Variants in OSGIN1 observed in about 807,000 individuals in gnomAD.
OSGIN1 encodes the protein oxidative stress-induced growth inhibitor 1.
In OSGIN1, 19 loss-of-function variants were observed where a neutral mutation model predicts 20.1. That is an observed-to-expected ratio of 0.95 (90% CI 0.66 to 1.39). OSGIN1 has a LOEUF of 1.39. OSGIN1 is among the 40% of genes most tolerant of loss of function. The pLI, the probability that OSGIN1 is intolerant of heterozygous loss-of-function variation, is 0.00. For missense variants in OSGIN1, 820 were observed against 653.0 expected (o/e 1.26, Z -2.79); for synonymous variants, 368 against 297.8 (o/e 1.24, Z -2.43).
chr16:83,959,662 C>G (rs1909111666), intron 3 of OSGIN1, among the ~76,000 whole-genome samples: 1 of 152,142 alleles, frequency 6.6e-6, no homozygotes, highest in Non-Finnish European at 1.5e-5. Flanking sequence ...CTGGCAATGT[C>G]TGGAGACAAT....
intron 3 of OSGIN1, among the ~76,000 whole-genome samples, chr16:83,960,359 G>A (rs372099911): frequency 9.2e-5 from 14 of 152,184 alleles, no homozygotes; most frequent in Admixed American, 2.6e-4. Flanking sequence ...CCAAGCTTGC[G>A]CATTTGGTCT....
Position 83,965,985 on chromosome 16 carries a change from A to G in OSGIN1, c.1412A>G (p.Lys471Arg). The change falls in exon 6 of 6, where the codon AAG (lysine) becomes AGG (arginine). Residue 471 changes from lysine to arginine, a missense_variant. Physicochemically the swap from Lys to Arg is conservative, Grantham distance 26. Coordinates refer to ENST00000393306, the MANE Select transcript of OSGIN1 (RefSeq NM_182981.3). ...ALAVASSLLR[K>R]ETRKPP ...GCTGTGGCCAGCTCCCTGCTAAGGA[A>G]GGAGACCAGGAAGCCACCCTAACAC... The G allele has an allele frequency of 1.3e-6, 2 of 1,588,038 alleles. No individual in the cohort carries two copies. Among genetic ancestry groups the G allele is most frequent in the East Asian group, 2.3e-5 (1 of 43,674 alleles).
At chr16:83,961,456 C>A (rs1295597899) in intron 5 of OSGIN1, among the ~76,000 whole-genome samples, 4 of 152,114 alleles carry the variant, frequency 2.6e-5, no homozygotes, top group African/African-American at 9.7e-5. Context: ...GCATCTATCT[C>A]AGGGAGCAGA....
At chr16:83,964,940 G>C in intron 5 of OSGIN1, 122 bp from the exon 6 acceptor site, 1 of 704,528 alleles carries the variant, frequency 1.4e-6, no homozygotes, top group Non-Finnish European at 2.4e-6. Flanking sequence ...ACCTGGCCTA[G>C]TCCTACAGCT....
intron 1 of OSGIN1, chr16:83,954,608 C>T (rs1377111546): frequency 1.0e-5 from 2 of 197,992 alleles, no homozygotes; most frequent in African/African-American, 2.3e-5. Flanking sequence ...GACTTTGGGG[C>T]GTCCTGTGTC....
chr16:83,955,586 A>G (rs1908888040), intron 1 of OSGIN1, among the ~76,000 whole-genome samples: 1 of 152,198 alleles, frequency 6.6e-6, no homozygotes, highest in Non-Finnish European at 1.5e-5. Flanking sequence ...CAACCCGATT[A>G]AATAAGGATT....
At chr16:83,964,189 A>G (rs1223091836) in intron 5 of OSGIN1, among the ~76,000 whole-genome samples, 1 of 152,148 alleles carries the variant, frequency 6.6e-6, no homozygotes, top group African/African-American at 2.4e-5. Flanking sequence ...CTGTAGTTCC[A>G]GCTGCTCAGG....
At chr16:83,964,111 C>T (rs2084247968) in intron 5 of OSGIN1, among the ~76,000 whole-genome samples, 1 of 152,138 alleles carries the variant, frequency 6.6e-6, no homozygotes, top group South Asian at 2.1e-4. Flanking sequence ...CGAAACCATC[C>T]TGGCCAACAT....
Position 83,965,886 on chromosome 16 carries a change from G to T in OSGIN1, c.1313G>T (p.Arg438Leu), listed in dbSNP as rs142452879. 2 of 1,612,856 alleles carry T rather than the reference G, an allele frequency of 1.2e-6. No individual in the cohort carries two copies. The highest frequency in any genetic ancestry group is 1.7e-6 in the Non-Finnish European group (2 of 1,179,994). Reference sequence around the variant, plus strand: ...GACCCCTTCACCTACCAGAGCACCCGCCAGGAGGGCCTGTACGCCATGGGG... The same window carrying T: ...GACCCCTTCACCTACCAGAGCACCCTCCAGGAGGGCCTGTACGCCATGGGG... ...DVDPFTYQST[R>L]QEGLYAMGPL... Residue 438 changes from arginine (R) to leucine (L), a missense_variant, in exon 6 of 6, where the codon CGC (arginine) becomes CTC (leucine). Coordinates refer to ENST00000393306, the MANE Select transcript of OSGIN1 (RefSeq NM_182981.3).
chr16:83,954,720 G>T, intron 1 of OSGIN1: 1 of 981,778 alleles, frequency 1.0e-6, no homozygotes, highest in Non-Finnish European at 1.2e-6. Flanking sequence ...ACAGTCCCAG[G>T]AGGGAGCCCT....
chr16:83,964,326 T>A (rs900206112), intron 5 of OSGIN1, among the ~76,000 whole-genome samples: 2 of 151,450 alleles, frequency 1.3e-5, no homozygotes, highest in Admixed American at 1.3e-4. Context: ...TAAAATAAAA[T>A]AAAATAAAAT....
intron 1 of OSGIN1, chr16:83,957,183 T>G: frequency 6.3e-6 from 1 of 158,618 alleles, no homozygotes; most frequent in Non-Finnish European, 1.4e-5. Flanking sequence ...GGCCCGGGAA[T>G]GGGATAGGAA....
chr16:83,964,994 T>TGCCCTGC, intron 5 of OSGIN1, 68 bp from the exon 6 acceptor site: 1 of 829,238 alleles, frequency 1.2e-6, no homozygotes, highest in Non-Finnish European at 1.9e-6. Context: ...CCTGGACATC[T>TGCCCTGC]CCCGTCCCAC....
intron 1 of OSGIN1, chr16:83,954,740 G>T: frequency 2.0e-6 from 2 of 984,772 alleles, no homozygotes; most frequent in Non-Finnish European, 2.4e-6. Flanking sequence ...TGGACTTGGA[G>T]CCCCAAAGCC....
chr16:83,966,035 G>C lies in OSGIN1; in HGVS notation c.*28G>C. 2.0e-6 allele frequency: 3 copies of C among 1,469,642 alleles called. No homozygotes were observed. The highest frequency in any genetic ancestry group is 2.7e-6 in the Non-Finnish European group (3 of 1,102,850). The allele number at this position is 1,469,642 out of a possible 1,614,324, so 91.0% of individuals were successfully genotyped here. On this transcript the variant is annotated 3_prime_UTR_variant, in exon 6 of 6. Coordinates refer to ENST00000393306, the MANE Select transcript of OSGIN1 (RefSeq NM_182981.3). ...CTCGGCCAGACCCGCTGGCTCCCAG[G>C]CCCTGAGAGGACAGAGATGACCACA...
chr16:83,960,848 C>A, intron 4 of OSGIN1, 88 bp downstream of exon 4: 1 of 1,504,294 alleles, frequency 6.6e-7, no homozygotes, highest in South Asian at 1.2e-5. Context: ...TCTCCCTTTC[C>A]TCATTCTCCA....
At position 83,965,655 on chromosome 16, in the gene OSGIN1, T is replaced by A; in HGVS notation, c.1082T>A (p.Leu361His). 1 of 1,613,342 alleles carries A rather than the reference T, an allele frequency of 6.2e-7. No individual in the cohort carries two copies. Among genetic ancestry groups the A allele is most frequent in the Non-Finnish European group, 8.5e-7 (1 of 1,179,974 alleles). Residue 361 changes from leucine (L) to histidine (H), a missense_variant, in exon 6 of 6, where the codon CTC becomes CAC. Leu to His is a moderately conservative substitution (Grantham distance 99, BLOSUM62 -3). Transcript: ENST00000393306. ...AGCCCCTATGAGGGTTACCGCAGCC[T>A]CCCCAGGCACCAGCTGCTGTGCTTC... ...SPSPYEGYRS[L>H]PRHQLLCFKE...
chr16:83,955,087 G>A (rs1413183728), intron 1 of OSGIN1, among the ~76,000 whole-genome samples: 3 of 152,206 alleles, frequency 2.0e-5, no homozygotes, highest in Admixed American at 6.5e-5. Flanking sequence ...GGGTTGCTAG[G>A]AGGATCAAAG....
rs768528771 is a variant in OSGIN1, at chr16:83,965,968, C to T, written c.1395C>T (p.Ala465=). The T allele has an allele frequency of 6.2e-7, 1 of 1,604,242 alleles. No homozygotes were observed. The highest frequency in any genetic ancestry group is 8.5e-7 in the Non-Finnish European group (1 of 1,176,152). Residue 465 remains alanine (A), a synonymous_variant, in exon 6 of 6, where the codon GCC becomes GCT. Transcript: ENST00000393306. ...RFVQGGALAV[A]SSLLRKETRK... ...TGCAGGGGGGCGCCTTGGCTGTGGCCAGCTCCCTGCTAAGGAAGGAGACCA... is the reference window on the plus strand; with the variant it reads ...TGCAGGGGGGCGCCTTGGCTGTGGCTAGCTCCCTGCTAAGGAAGGAGACCA...
Sources: allele counts gnomAD v4.1 joint callset (sites outside exome capture counted in the v4.1 genomes callset), GRCh38; gene constraint gnomAD v4.1.1; transcripts MANE v1.5; gene names NCBI Gene and HGNC (gene_info 2026-07-23, HGNC 2026-07-21).